PCDH11X: variants seen among roughly 807,000 people sequenced by gnomAD.
The protein encoded by PCDH11X is protocadherin 11 X-linked.
PCDH11X carries 18 observed loss-of-function variants against 53.3 expected under a neutral mutation model. The observed-to-expected ratio is 0.34, with a 90% CI of 0.23 to 0.50. The LOEUF (loss-of-function observed/expected upper bound fraction) is 0.50. Ranked by LOEUF, PCDH11X falls within the 20% of genes least tolerant of loss-of-function variation. The probability of loss-of-function intolerance (pLI) is 0.98; values close to 1 mark genes in which losing one functional copy is unlikely to be tolerated. For missense variants in PCDH11X, 570 were observed against 1,032.4 expected (o/e 0.55, Z 6.14); for synonymous variants, 279 against 393.3 (o/e 0.71, Z 3.44).
chrX:92,182,099 C>T (rs910207770), intron 6 of PCDH11X, among the ~76,000 whole-genome samples: 1 of 112,356 alleles, frequency 8.9e-6, no homozygotes, highest in Non-Finnish European at 1.9e-5. Flanking sequence ...CCCTACAAAG[C>T]CACAGTGGTG....
intron 10 of PCDH11X, among the ~76,000 whole-genome samples, chrX:92,522,206 A>G (rs1319613432): frequency 9.0e-6 from 1 of 111,452 alleles, no homozygotes; most frequent in Non-Finnish European, 1.9e-5. Context: ...CCTTTGATAT[A>G]AAGTTAGATA....
At chrX:92,030,109 C>T (rs78197084) in intron 6 of PCDH11X, among the ~76,000 whole-genome samples, 2 of 111,409 alleles carry the variant, frequency 1.8e-5, no homozygotes, top group South Asian at 3.8e-4. Context: ...ACTACAGGCA[C>T]GTGCCACCAT....
intron 10 of PCDH11X, among the ~76,000 whole-genome samples, chrX:92,537,796 T>C (rs2074692182): frequency 9.3e-6 from 1 of 108,015 alleles, no homozygotes; most frequent in Non-Finnish European, 1.9e-5. Flanking sequence ...ATTTTTCCGA[T>C]AATTAACTAT....
intron 8 of PCDH11X, among the ~76,000 whole-genome samples, chrX:92,273,618 G>C (rs1231408319): frequency 9.1e-6 from 1 of 110,364 alleles, no homozygotes; most frequent in East Asian, 2.9e-4. Context: ...GTTTCTCAGG[G>C]CTGCTTCAAG....
intron 8 of PCDH11X, among the ~76,000 whole-genome samples, chrX:92,271,528 C>A (rs983948062): frequency 8.9e-6 from 1 of 111,919 alleles, no homozygotes; most frequent in African/African-American, 3.2e-5. Context: ...CCCAAGAGAA[C>A]CTCATTAGTT....
chrX:92,084,857 C>T, intron 6 of PCDH11X, among the ~76,000 whole-genome samples: 1 of 110,809 alleles, frequency 9.0e-6, no homozygotes, highest in East Asian at 2.8e-4. Context: ...TGATCTTAGG[C>T]TACTTTCATT....
At chrX:92,588,667 A>G (rs1404741417) in intron 10 of PCDH11X, among the ~76,000 whole-genome samples, 2 of 109,894 alleles carry the variant, frequency 1.8e-5, no homozygotes, top group Non-Finnish European at 3.8e-5. Flanking sequence ...GATTTAGAAA[A>G]TAGCCTCAAA....
chrX:92,468,013 G>C (rs896575594), intron 9 of PCDH11X, among the ~76,000 whole-genome samples: 1 of 111,341 alleles, frequency 9.0e-6, no homozygotes, highest in African/African-American at 3.3e-5. Context: ...ACTGCAAAAC[G>C]TTACGTTTAA....
intron 10 of PCDH11X, among the ~76,000 whole-genome samples, chrX:92,560,689 A>G (rs1602333921): frequency 9.2e-6 from 1 of 109,126 alleles, no homozygotes; most frequent in East Asian, 2.9e-4. Context: ...CACAGGGAGA[A>G]ACTCCTCTGC....
intron 6 of PCDH11X, among the ~76,000 whole-genome samples, chrX:92,162,634 A>T (rs2065663928): frequency 9.5e-6 from 1 of 105,603 alleles, no homozygotes; most frequent in African/African-American, 3.5e-5. Context: ...AAGGGCTAAC[A>T]GGCTTTGGGT....
chrX:92,048,617 A>G (rs1428740870), intron 6 of PCDH11X, among the ~76,000 whole-genome samples: 1 of 111,868 alleles, frequency 8.9e-6, no homozygotes, highest in African/African-American at 3.3e-5. Context: ...GAGGAAAGTA[A>G]CACTCTTTGG....
chrX:92,099,253 C>T (rs376185100), intron 6 of PCDH11X, among the ~76,000 whole-genome samples: 1 of 108,601 alleles, frequency 9.2e-6, no homozygotes, highest in Non-Finnish European at 1.9e-5. Context: ...TCTGTATTTG[C>T]GTGGAAATGA....
intron 6 of PCDH11X, among the ~76,000 whole-genome samples, chrX:92,094,691 T>C (rs2064106455): frequency 8.9e-6 from 1 of 111,827 alleles, no homozygotes; most frequent in Admixed American, 9.6e-5. Flanking sequence ...TAGACTCTAG[T>C]ACTTCAGTGT....
At chrX:92,000,054 G>A (rs1191728265) in intron 6 of PCDH11X, among the ~76,000 whole-genome samples, 1 of 111,667 alleles carries the variant, frequency 9.0e-6, no homozygotes, top group Non-Finnish European at 1.9e-5. Context: ...CAACTGGCAG[G>A]CAGACAGATT....
At chrX:92,454,185 A>G (rs1468948807) in intron 9 of PCDH11X, among the ~76,000 whole-genome samples, 2 of 103,671 alleles carry the variant, frequency 1.9e-5, no homozygotes, top group Non-Finnish European at 3.9e-5. Context: ...ATAATTATAT[A>G]TAATTATATG....
chrX:92,552,994 C>CGTGTGTGTGTGTGTGTGT (rs57655496), intron 10 of PCDH11X, among the ~76,000 whole-genome samples: 8 of 88,903 alleles, frequency 9.0e-5, no homozygotes, highest in South Asian at 6.2e-4. Flanking sequence ...CTGCAATTTT[C>CGTGTGTGTGTGTGTGTGT]GTGTGTGTGT....
At chrX:91,994,395 T>G (rs1262059681) in intron 6 of PCDH11X, among the ~76,000 whole-genome samples, 1 of 110,356 alleles carries the variant, frequency 9.1e-6, no homozygotes, top group East Asian at 2.8e-4. Context: ...AGAGAAACAA[T>G]GTACTATTTC....
At chrX:92,592,416 A>T (rs1300013456) in intron 10 of PCDH11X, among the ~76,000 whole-genome samples, 1 of 110,817 alleles carries the variant, frequency 9.0e-6, no homozygotes, top group African/African-American at 3.3e-5. Flanking sequence ...TACTGATTTC[A>T]CATAGGAGGT....
intron 6 of PCDH11X, among the ~76,000 whole-genome samples, chrX:92,099,224 T>A (rs186534692): frequency 1.8e-4 from 20 of 109,383 alleles, no homozygotes; most frequent in South Asian, 1.1e-3. Context: ...TATAGCTTTT[T>A]AGAAACTTTT....
Sources: gnomAD v4.1 joint callset for allele counts (sites outside exome capture counted in the v4.1 genomes callset) on GRCh38, gnomAD v4.1.1 for gene constraint, MANE v1.5 for transcripts, NCBI Gene and HGNC (gene_info 2026-07-23, HGNC 2026-07-21) for gene names.